The following NPRL3 variants were observed in gnomAD, a reference collection of about 807,000 sequenced individuals.
NPRL3 encodes NPR3 like, GATOR1 complex subunit.
NPRL3 carries 23 observed loss-of-function variants against 57.2 expected under a neutral mutation model. That is an observed-to-expected ratio of 0.40 (90% CI 0.29 to 0.57). The LOEUF (loss-of-function observed/expected upper bound fraction) is 0.57, where lower values mean the gene tolerates loss of function less well. Ranked by LOEUF, NPRL3 falls within the 20% of genes least tolerant of loss-of-function variation. NPRL3 has a pLI of 0.42. For synonymous variants in NPRL3, 333 were observed against 321.1 expected, an observed-to-expected ratio of 1.04 and a Z score of -0.39; for missense variants, 691 against 767.1, an observed-to-expected ratio of 0.90 and a Z score of 1.17.
chr16:89,662 C>T, intron 12 of NPRL3, 51 bp downstream of exon 12: 6 of 1,431,500 alleles, frequency 4.2e-6, no homozygotes, highest in Non-Finnish European at 4.6e-6. Flanking sequence ...TCCTGGATGC[C>T]ACCCCCAAGC....
At chr16:99,657 A>C (rs907542068) in intron 8 of NPRL3, among the ~76,000 whole-genome samples, 4 of 146,860 alleles carry the variant, frequency 2.7e-5, no homozygotes, top group African/African-American at 7.5e-5. Flanking sequence ...AAAAAAAGTC[A>C]ATTAAATTAA....
chr16:100,567 T>C (rs1355753223), intron 7 of NPRL3, 58 bp from the exon 8 acceptor site: 20 of 1,389,634 alleles, frequency 1.4e-5, no homozygotes, highest in Non-Finnish European at 1.9e-5. Flanking sequence ...TGCACACAGA[T>C]CAGAAAACAC....
intron 7 of NPRL3, among the ~76,000 whole-genome samples, chr16:109,770 A>G (rs1899705788): frequency 6.6e-6 from 1 of 152,160 alleles, no homozygotes; most frequent in African/African-American, 2.4e-5. Flanking sequence ...AACCAGTATA[A>G]CAGGTGGGGA....
chr16:94,677 G>C (rs756169474), intron 9 of NPRL3, among the ~76,000 whole-genome samples: 1 of 152,194 alleles, frequency 6.6e-6, no homozygotes, highest in African/African-American at 2.4e-5. Context: ...GCTTGCACCT[G>C]GGAGGTGGGG....
chr16:89,815 T>TG lies in NPRL3; in HGVS notation c.1248dup (p.Ser417GlnfsTer39), dbSNP rs1466510449. 1 of 1,592,824 alleles carries TG rather than the reference T, an allele frequency of 6.3e-7. No homozygotes were observed. Among genetic ancestry groups the TG allele is most frequent in the Admixed American group, 1.8e-5 (1 of 56,920 alleles). ...TCTCGCGGACGGGGCTCCTCCTCGC[T>TG]GGGTGAGGCCATCAGGCAGACATAG... On this transcript the variant is annotated frameshift_variant, in exon 12 of 14. Coordinates refer to ENST00000611875, the MANE Select transcript of NPRL3 (RefSeq NM_001077350.3). LOFTEE classifies it high-confidence loss of function.
At chr16:91,776 TA>T (rs1898773475) in intron 11 of NPRL3, among the ~76,000 whole-genome samples, 1 of 152,200 alleles carries the variant, frequency 6.6e-6, no homozygotes, top group Non-Finnish European at 1.5e-5. Flanking sequence ...ATCTGGCACT[TA>T]CTCAGATACT....
At chr16:87,904 G>A (rs1296390510) in intron 13 of NPRL3, among the ~76,000 whole-genome samples, 1 of 147,856 alleles carries the variant, frequency 6.8e-6, no homozygotes, top group Non-Finnish European at 1.5e-5. Flanking sequence ...ACCATCATTT[G>A]GAAGGTCACT....
intron 7 of NPRL3, among the ~76,000 whole-genome samples, chr16:109,319 T>C (rs901155704): frequency 1.3e-5 from 2 of 152,104 alleles, no homozygotes; most frequent in African/African-American, 4.8e-5. Context: ...TCAGAACAAC[T>C]GTGAGGTTTT....
chr16:88,328 C>T (rs1898588783), intron 13 of NPRL3, among the ~76,000 whole-genome samples: 1 of 149,582 alleles, frequency 6.7e-6, no homozygotes, highest in Non-Finnish European at 1.5e-5. Flanking sequence ...TTGCAGTGAG[C>T]CGAGATTGCG....
intron 5 of NPRL3, among the ~76,000 whole-genome samples, chr16:117,013 T>A (rs1900072693): frequency 6.6e-6 from 1 of 151,740 alleles, no homozygotes; most frequent in South Asian, 2.1e-4. Flanking sequence ...GGGTATGGGG[T>A]TTCCTTCTGG....
intron 7 of NPRL3, among the ~76,000 whole-genome samples, chr16:108,794 C>CT: frequency 6.6e-6 from 1 of 152,010 alleles, no homozygotes; most frequent in Non-Finnish European, 1.5e-5. Context: ...CCTCAGCCTC[C>CT]TGAGTAGCTG....
At chr16:109,532 CTGTTTGATTTAAAAACACT>C (rs1218526297) in intron 7 of NPRL3, among the ~76,000 whole-genome samples, 4 of 152,196 alleles carry the variant, frequency 2.6e-5, no homozygotes, top group Non-Finnish European at 5.9e-5. Flanking sequence ...CATTTTGCAT[CTGTTTGATTTAAAAACACT>C]TTCGGACTCT....
chr16:123,785 C>T (rs1215289491), intron 3 of NPRL3, among the ~76,000 whole-genome samples: 1 of 145,796 alleles, frequency 6.9e-6, no homozygotes, highest in Non-Finnish European at 1.5e-5. Context: ...GGGTCACACA[C>T]TCCCCACGCT....
intron 7 of NPRL3, among the ~76,000 whole-genome samples, chr16:110,137 C>T (rs1421219364): frequency 6.6e-6 from 1 of 152,072 alleles, no homozygotes; most frequent in Non-Finnish European, 1.5e-5. Context: ...GGTGTGGTGG[C>T]GCATGCCTGT....
At chr16:116,570 C>T (rs1325667922) in intron 5 of NPRL3, among the ~76,000 whole-genome samples, 2 of 152,118 alleles carry the variant, frequency 1.3e-5, no homozygotes, top group Non-Finnish European at 2.9e-5. Flanking sequence ...ACCTGGAATC[C>T]CAGCACTTTG....
At chr16:94,893 G>C (rs1405447784) in intron 9 of NPRL3, among the ~76,000 whole-genome samples, 6 of 152,130 alleles carry the variant, frequency 3.9e-5, no homozygotes, top group African/African-American at 9.7e-5. Context: ...GCCTCTCCAA[G>C]ATGCTGTCCA....
chr16:109,985 A>C (rs1416720678), intron 7 of NPRL3, among the ~76,000 whole-genome samples: 2 of 112,286 alleles, frequency 1.8e-5, no homozygotes, highest in Non-Finnish European at 3.5e-5. Flanking sequence ...CCATTTAAAA[A>C]ACAGCCACTG....
intron 11 of NPRL3, chr16:90,935 C>G (rs1448410377): frequency 6.6e-6 from 1 of 152,156 alleles, no homozygotes; most frequent in Non-Finnish European, 1.5e-5. Context: ...CAAAAATTAG[C>G]CGGGTGTGGT....
intron 13 of NPRL3, among the ~76,000 whole-genome samples, chr16:87,889 A>G (rs1489716438): frequency 7.9e-6 from 1 of 126,754 alleles, no homozygotes; most frequent in South Asian, 2.5e-4. Context: ...TTTTTTTTTA[A>G]TGTCACCATC....
Sources: gnomAD v4.1 joint callset for allele counts (sites outside exome capture counted in the v4.1 genomes callset) on GRCh38, gnomAD v4.1.1 for gene constraint, MANE v1.5 for transcripts, NCBI Gene and HGNC (gene_info 2026-07-23, HGNC 2026-07-21) for gene names.